Variants in TSPAN15 observed in about 807,000 individuals in gnomAD.
TSPAN15 encodes the protein tetraspanin-15.
A neutral mutation model predicts 34.5 loss-of-function variants in TSPAN15; 20 were observed. The observed-to-expected ratio is 0.58, with a 90% CI of 0.41 to 0.84. TSPAN15 has a LOEUF of 0.84. Ranked by LOEUF, TSPAN15 falls within the 40% of genes least tolerant of loss-of-function variation. The pLI, the probability that TSPAN15 is intolerant of heterozygous loss-of-function variation, is 0.00. For synonymous variants in TSPAN15, 155 were observed against 153.9 expected (o/e 1.01, Z -0.05); for missense variants, 313 against 386.1 (o/e 0.81, Z 1.59).
chr10:69,488,152 A>G (rs963739860), intron 3 of TSPAN15, among the ~76,000 whole-genome samples: 1 of 152,204 alleles, frequency 6.6e-6, no homozygotes, highest in Admixed American at 6.5e-5. Flanking sequence ...CCTCCCCTTT[A>G]TATTTTTCCT....
chr10:69,515,933 C>A, the TSPAN15 span, among the ~76,000 whole-genome samples: 1 of 152,324 alleles, frequency 6.6e-6, no homozygotes, highest in East Asian at 1.9e-4. Flanking sequence ...GCCCCCTACC[C>A]CAAAAGAGCA....
intron 5 of TSPAN15, among the ~76,000 whole-genome samples, chr10:69,500,873 C>T (rs931434195): frequency 2.6e-5 from 4 of 152,156 alleles, no homozygotes; most frequent in African/African-American, 9.7e-5. Flanking sequence ...AGGGGGCTGA[C>T]ACCTAAGGGC....
intron 1 of TSPAN15, among the ~76,000 whole-genome samples, chr10:69,481,577 G>T (rs965285685): frequency 3.3e-5 from 5 of 152,234 alleles, no homozygotes; most frequent in Non-Finnish European, 7.3e-5. Context: ...TTAAGGACAT[G>T]ATGATCAGTA....
At chr10:69,469,390 C>T (rs1161684466) in intron 1 of TSPAN15, among the ~76,000 whole-genome samples, 1 of 152,138 alleles carries the variant, frequency 6.6e-6, no homozygotes, top group Non-Finnish European at 1.5e-5. Flanking sequence ...TTGTGGGAAC[C>T]CCTGACTTAT....
the TSPAN15 span, among the ~76,000 whole-genome samples, chr10:69,527,016 T>G: frequency 6.8e-6 from 1 of 147,790 alleles, no homozygotes; most frequent in African/African-American, 2.5e-5. Context: ...CAGAAAAATT[T>G]GTACACAAAT....
chr10:69,544,166 A>C, the TSPAN15 span, among the ~76,000 whole-genome samples: 1 of 152,138 alleles, frequency 6.6e-6, no homozygotes, highest in African/African-American at 2.4e-5. Context: ...CTGAGTCATC[A>C]AAGGCCCATT....
At chr10:69,475,089 G>A (rs1234557624) in intron 1 of TSPAN15, among the ~76,000 whole-genome samples, 2 of 152,190 alleles carry the variant, frequency 1.3e-5, no homozygotes. Context: ...TGGGGAGAGA[G>A]AGACAGAGAG....
At chr10:69,534,915 G>C in the TSPAN15 span, among the ~76,000 whole-genome samples, 11 of 151,980 alleles carry the variant, frequency 7.2e-5, no homozygotes, top group Admixed American at 6.6e-4. Flanking sequence ...GGCCCAGGAG[G>C]TCGAGGCTGC....
chr10:69,491,738 A>C (rs1388595541), intron 3 of TSPAN15, among the ~76,000 whole-genome samples: 3 of 152,162 alleles, frequency 2.0e-5, no homozygotes, highest in Admixed American at 6.5e-5. Context: ...TCAGGCTTAC[A>C]TGGAAGTGGT....
intron 5 of TSPAN15, among the ~76,000 whole-genome samples, chr10:69,501,310 C>CT (rs545660954): frequency 2.0e-5 from 3 of 152,212 alleles, no homozygotes; most frequent in Non-Finnish European, 4.4e-5. Flanking sequence ...AAGACAGCAT[C>CT]TGAATGAGAG....
chr10:69,525,483 T>TA, the TSPAN15 span, among the ~76,000 whole-genome samples: 199 of 118,104 alleles, frequency 1.7e-3, 7 homozygotes, highest in South Asian at 7.3e-3. Context: ...CCTCATCTCT[T>TA]AAAAAAAAAA....
At chr10:69,467,793 A>G (rs72811732) in intron 1 of TSPAN15, among the ~76,000 whole-genome samples, 17 of 152,216 alleles carry the variant, frequency 1.1e-4, no homozygotes, top group Admixed American at 2.0e-4. Flanking sequence ...ATGCAAAAAC[A>G]TATCTAATTG....
At chr10:69,512,704 T>C in the TSPAN15 span, among the ~76,000 whole-genome samples, 16 of 152,270 alleles carry the variant, frequency 1.1e-4, no homozygotes, top group African/African-American at 3.9e-4. Flanking sequence ...ACTCTTTCTG[T>C]CTGGCTTCTT....
intron 1 of TSPAN15, among the ~76,000 whole-genome samples, chr10:69,457,588 G>T (rs1344832985): frequency 6.6e-6 from 1 of 152,164 alleles, no homozygotes; most frequent in Non-Finnish European, 1.5e-5. Context: ...GGCAGCAAAT[G>T]CCAGAGGCAA....
chr10:69,485,088 C>T (rs1325413084), intron 2 of TSPAN15, 53 bp from the exon 3 acceptor site: 1 of 1,548,846 alleles, frequency 6.5e-7, no homozygotes, highest in African/African-American at 1.4e-5. Context: ...CCCCTGTACC[C>T]CACACACGCC....
At chr10:69,501,094 G>A (rs1248406577) in intron 5 of TSPAN15, among the ~76,000 whole-genome samples, 3 of 152,212 alleles carry the variant, frequency 2.0e-5, no homozygotes, top group South Asian at 2.1e-4. Flanking sequence ...CAGGAAAGAC[G>A]GGGCTGCCAC....
the TSPAN15 span, among the ~76,000 whole-genome samples, chr10:69,513,227 T>C: frequency 6.6e-6 from 1 of 152,248 alleles, no homozygotes. Context: ...ATAATTTCTT[T>C]GCTGAAGCGC....
At chr10:69,482,518 A>G (rs1394859353) in intron 1 of TSPAN15, among the ~76,000 whole-genome samples, 1 of 152,194 alleles carries the variant, frequency 6.6e-6, no homozygotes, top group East Asian at 1.9e-4. Context: ...ATTCCGTGTT[A>G]TGGTACTGTG....
At chr10:69,458,609 T>C (rs780594933) in intron 1 of TSPAN15, among the ~76,000 whole-genome samples, 4 of 152,132 alleles carry the variant, frequency 2.6e-5, no homozygotes, top group Non-Finnish European at 5.9e-5. Context: ...CCTAACGGGC[T>C]GTCAGAGATG....
Sources: allele counts gnomAD v4.1 joint callset (sites outside exome capture counted in the v4.1 genomes callset), GRCh38; gene constraint gnomAD v4.1.1; transcripts MANE v1.5; gene names NCBI Gene and HGNC (gene_info 2026-07-23, HGNC 2026-07-21).